FRMPD2: variants seen among roughly 807,000 people sequenced by gnomAD.
FRMPD2 encodes FERM and PDZ domain-containing protein 2.
Under a neutral mutation model 140.1 loss-of-function variants are expected in FRMPD2, and 96 were observed. That is an observed-to-expected ratio of 0.69 (90% confidence interval 0.58 to 0.81). The LOEUF is 0.81. Among genes scored for constraint, FRMPD2 ranks in the 40% least tolerant of loss-of-function variants. FRMPD2 has a pLI of 0.00. For synonymous variants in FRMPD2, 449 were observed against 547.6 expected, an observed-to-expected ratio of 0.82 and a Z score of 2.52; for missense variants, 1,240 against 1,447.4, an observed-to-expected ratio of 0.86 and a Z score of 2.32.
In FRMPD2 at chr10:48,274,556, TA is replaced by T. The variant is rs781492128; in HGVS notation, c.11del (p.Leu4Ter). On this transcript the variant is annotated frameshift_variant, in exon 1 of 29. Transcript: ENST00000374201. LOFTEE classifies it high-confidence loss of function. The part of the protein sequence containing the change: MQP[L>X]TKDAGMSLSS... ...GCCAAGGAATACCTGCGTCCTTCGT[TA>T]AAGGCTGCATCCAAAAGTCTCCGTG... is the stretch of plus-strand genomic sequence containing the variant. 2.9e-5 allele frequency: 47 copies of T among 1,614,022 alleles called. No individual in the cohort carries two copies. The highest frequency in any genetic ancestry group is 5.1e-6 in the Non-Finnish European group (6 of 1,179,998).
intron 15 of FRMPD2, 58 bp from the exon 16 acceptor site, chr10:48,192,952 T>C: frequency 1.6e-6 from 2 of 1,264,744 alleles, no homozygotes; most frequent in Non-Finnish European, 2.3e-6. Context: ...GCTGGATCCA[T>C]TGCTCTGGTG....
At chr10:48,167,923 G>A (rs1456815061) in intron 27 of FRMPD2, among the ~76,000 whole-genome samples, 2 of 146,378 alleles carry the variant, frequency 1.4e-5, no homozygotes, top group East Asian at 4.1e-4. Flanking sequence ...CCACCTTTGG[G>A]CTTGATCTCC....
chr10:48,192,561 G>T, intron 16 of FRMPD2, 123 bp downstream of exon 16: 1 of 878,650 alleles, frequency 1.1e-6, no homozygotes, highest in Non-Finnish European at 1.7e-6. Flanking sequence ...CACTCCTCCA[G>T]CCTGGGCAAC....
intron 3 of FRMPD2, 38 bp from the exon 4 acceptor site, chr10:48,244,887 T>TGTA: frequency 2.8e-6 from 4 of 1,417,428 alleles, no homozygotes; most frequent in African/African-American, 1.4e-5. Flanking sequence ...ATTTCAATCA[T>TGTA]CTCTGTTATT....
intron 1 of FRMPD2, among the ~76,000 whole-genome samples, chr10:48,256,926 C>T (rs543375202): frequency 6.6e-6 from 1 of 152,310 alleles, no homozygotes; most frequent in African/African-American, 2.4e-5. Flanking sequence ...CAAATTACCA[C>T]AAACCTCACA....
At chr10:48,182,222 C>T (rs1459785876) in intron 20 of FRMPD2, among the ~76,000 whole-genome samples, 2 of 152,052 alleles carry the variant, frequency 1.3e-5, no homozygotes, top group Non-Finnish European at 2.9e-5. Context: ...GTATTTCTGG[C>T]CCTTTCATTC....
chr10:48,252,894 TTTTCC>T (rs1362838793), intron 1 of FRMPD2, among the ~76,000 whole-genome samples: 4 of 152,300 alleles, frequency 2.6e-5, no homozygotes, highest in African/African-American at 9.6e-5. Flanking sequence ...CTTTCCTTCC[TTTTCC>T]TTTCCTTTTC....
chr10:48,260,223 A>C (rs1840560390), intron 1 of FRMPD2, among the ~76,000 whole-genome samples: 1 of 152,126 alleles, frequency 6.6e-6, no homozygotes, highest in Admixed American at 6.6e-5. Flanking sequence ...ATATGTATAG[A>C]TAGATATAGA....
intron 5 of FRMPD2, among the ~76,000 whole-genome samples, chr10:48,240,839 C>G (rs1471600800): frequency 1.3e-5 from 2 of 152,226 alleles, no homozygotes; most frequent in Non-Finnish European, 2.9e-5. Flanking sequence ...CGTCTGATCA[C>G]CTTCCCTTAT....
Position 48,201,381 on chromosome 10 carries a change from T to A in FRMPD2, c.1801A>T (p.Lys601Ter), listed in dbSNP as rs1420624787. 3 of 1,613,342 alleles carry A rather than the reference T, an allele frequency of 1.9e-6. No homozygotes were observed. Among genetic ancestry groups the A allele is most frequent in the Admixed American group, 3.3e-5 (2 of 59,970 alleles). The change falls in exon 15 of 29, where the codon AAA (lysine) becomes TAA (stop). Residue 601 changes from lysine (K) to a stop codon, truncating the protein, a stop_gained. Transcript: ENST00000374201. LOFTEE classifies it high-confidence loss of function. ...ACACTGCTTGTGATGGTGAACTTTTTTTGCTGAAGGAAGCAAACACAGACT... is the reference window on the plus strand; with the variant it reads ...ACACTGCTTGTGATGGTGAACTTTTATTGCTGAAGGAAGCAAACACAGACT... ...RETGKISTYQ[K>*]KFTITSSVTG...
At chr10:48,199,307 C>T (rs576810528) in intron 15 of FRMPD2, among the ~76,000 whole-genome samples, 8 of 149,282 alleles carry the variant, frequency 5.4e-5, no homozygotes, top group Non-Finnish European at 7.4e-5. Flanking sequence ...TACAAGGTAC[C>T]TTAAATTTTT....
chr10:48,160,746 AG>A (rs1175508785), intron 28 of FRMPD2, among the ~76,000 whole-genome samples: 2 of 142,464 alleles, frequency 1.4e-5, no homozygotes, highest in African/African-American at 5.3e-5. Context: ...CTCAGAACTG[AG>A]CTGCAAACAC....
intron 14 of FRMPD2, 27 bp from the exon 15 acceptor site, chr10:48,201,411 T>C: frequency 6.2e-7 from 1 of 1,609,572 alleles, no homozygotes; most frequent in Non-Finnish European, 8.5e-7. Context: ...CAGACTTTAA[T>C]ACACTGATCA....
chr10:48,222,976 C>A, intron 11 of FRMPD2, 147 bp downstream of exon 11: 1 of 691,486 alleles, frequency 1.4e-6, no homozygotes, highest in Non-Finnish European at 2.4e-6. Flanking sequence ...TGATCAGAAT[C>A]CAATCAACAG....
chr10:48,192,787 C>G lies in FRMPD2; in HGVS notation c.2062G>C (p.Val688Leu), dbSNP rs535329989. The G allele has an allele frequency of 1.2e-6, 2 of 1,614,118 alleles. No individual in the cohort carries two copies. Among genetic ancestry groups the G allele is most frequent in the African/African-American group, 1.3e-5 (1 of 75,022 alleles). ...RLSCSENELFVSRLQGAAGGL... is the reference protein window; with the variant it reads ...RLSCSENELFLSRLQGAAGGL... ...CCTGCAGCACCCTGAAGCCTGGATA[C>G]AAACAACTCGTTTTCTGAGCATGAC... The change falls in exon 16 of 29, where the codon GTA (valine) becomes CTA (leucine). Residue 688 changes from valine (V) to leucine (L), a missense_variant. Val to Leu is a conservative substitution (Grantham distance 32, BLOSUM62 1). Around this residue, in one of 6 missense-constraint regions of FRMPD2, gnomAD observed 1,161 missense variants for 1,055.9 expected, o/e 1.10. Coordinates refer to ENST00000374201, the MANE Select transcript of FRMPD2 (RefSeq NM_001018071.4).
At chr10:48,180,506 C>T (rs544837357) in intron 21 of FRMPD2, among the ~76,000 whole-genome samples, 2 of 152,226 alleles carry the variant, frequency 1.3e-5, no homozygotes, top group African/African-American at 4.8e-5. Context: ...CCTCATGGTG[C>T]TATTATCACA....
intron 20 of FRMPD2, among the ~76,000 whole-genome samples, chr10:48,181,887 T>TACAC (rs56127751): frequency 0.08 from 8,886 of 111,066 alleles, 864 homozygotes; most frequent in African/African-American, 0.22. Context: ...ATGGCTCTCA[T>TACAC]ACACACACAC....
At chr10:48,212,162 C>T (rs72792229) in intron 12 of FRMPD2, 53 bp from the exon 13 acceptor site, 258,372 of 1,566,412 alleles carry the variant, frequency 0.16, 22,875 homozygotes, top group Non-Finnish European at 0.18. Flanking sequence ...GGCCGGGGGA[C>T]TCTGAGAGGA....
At chr10:48,182,899 G>A (rs1838586388) in intron 20 of FRMPD2, among the ~76,000 whole-genome samples, 1 of 152,246 alleles carries the variant, frequency 6.6e-6, no homozygotes, top group Admixed American at 6.5e-5. Flanking sequence ...CACAGGGATT[G>A]CTGAACCACT....
Sources: allele counts gnomAD v4.1 joint callset (sites outside exome capture counted in the v4.1 genomes callset), GRCh38; gene constraint gnomAD v4.1.1; regional missense constraint gnomAD v4.1.1; transcripts MANE v1.5; gene names NCBI Gene and HGNC (gene_info 2026-07-23, HGNC 2026-07-21).